Variants in ANKS1B observed in about 807,000 individuals in gnomAD.
ANKS1B encodes the protein ankyrin repeat and sterile alpha motif domain containing 1B.
ANKS1B carries 36 observed loss-of-function variants against 148.3 expected under a neutral mutation model. The ratio of observed to expected loss-of-function variants is 0.24; its 90% CI spans 0.19 to 0.32. ANKS1B has a LOEUF of 0.32. Ranked by LOEUF, ANKS1B falls within the 10% of genes least tolerant of loss-of-function variation. The pLI, the probability that ANKS1B is intolerant of heterozygous loss-of-function variation, is 1.00. For synonymous variants in ANKS1B, 542 were observed against 560.8 expected, an observed-to-expected ratio of 0.97 and a Z score of 0.47; for missense variants, 1,157 against 1,542.6, an observed-to-expected ratio of 0.75 and a Z score of 4.19.
intron 10 of ANKS1B, among the ~76,000 whole-genome samples, chr12:99,503,339 T>C (rs1335277214): frequency 1.3e-5 from 2 of 152,220 alleles, no homozygotes; most frequent in African/African-American, 2.4e-5. Context: ...TACCCAGAAA[T>C]TGAATCCATT....
chr12:99,940,983 G>A (rs1322032528), intron 1 of ANKS1B, among the ~76,000 whole-genome samples: 1 of 152,124 alleles, frequency 6.6e-6, no homozygotes, highest in Non-Finnish European at 1.5e-5. Flanking sequence ...TATTATGTAC[G>A]TAATTATTGA....
intron 4 of ANKS1B, among the ~76,000 whole-genome samples, chr12:99,797,917 G>A (rs996060909): frequency 1.3e-5 from 2 of 151,860 alleles, no homozygotes; most frequent in African/African-American, 4.8e-5. Context: ...CCTTCTTTTT[G>A]GCGTTATATA....
intron 12 of ANKS1B, among the ~76,000 whole-genome samples, chr12:99,348,600 T>C (rs1324928981): frequency 6.6e-6 from 1 of 151,894 alleles, no homozygotes; most frequent in Non-Finnish European, 1.5e-5. Context: ...AAGAATAATA[T>C]CTTATTTAAA....
At chr12:99,937,940 G>A (rs971179886) in intron 1 of ANKS1B, among the ~76,000 whole-genome samples, 10 of 152,068 alleles carry the variant, frequency 6.6e-5, no homozygotes, top group South Asian at 4.2e-4. Context: ...GAGCAGAATC[G>A]ACCCAATTTT....
intron 10 of ANKS1B, among the ~76,000 whole-genome samples, chr12:99,455,038 C>T (rs1036080621): frequency 1.3e-5 from 2 of 152,194 alleles, no homozygotes; most frequent in Non-Finnish European, 2.9e-5. Context: ...CTTATTTTGG[C>T]TCTTCAGGCT....
chr12:99,606,294 C>T (rs1429209314), intron 9 of ANKS1B, among the ~76,000 whole-genome samples: 2 of 151,856 alleles, frequency 1.3e-5, no homozygotes, highest in East Asian at 3.9e-4. Flanking sequence ...AGCATTTTTC[C>T]TATTTTTTAA....
intron 10 of ANKS1B, among the ~76,000 whole-genome samples, chr12:99,473,528 C>G (rs1162690356): frequency 1.3e-5 from 2 of 151,892 alleles, no homozygotes; most frequent in Non-Finnish European, 2.9e-5. Context: ...GAATTGTCAT[C>G]CAATGTGGAG....
At position 99,246,533 on chromosome 12, in the gene ANKS1B, A is replaced by C; in HGVS notation, c.2088T>G (p.Ser696=). 3 of 1,613,896 alleles carry C rather than the reference A, an allele frequency of 1.9e-6. No homozygotes were observed. The highest frequency in any genetic ancestry group is 2.5e-6 in the Non-Finnish European group (3 of 1,179,868). Reference sequence around the variant, plus strand: ...TCATAACCCACTGGTCCCCATTCCGAGATCCACTCCTGGTTGATCTTGTGC... The same window carrying C: ...TCATAACCCACTGGTCCCCATTCCGCGATCCACTCCTGGTTGATCTTGTGC... The part of the protein sequence containing the change: ...IVGTRSTRSG[S]RNGDQWVMNA... Residue 696 remains serine (S), a synonymous_variant, in exon 13 of 27, where the codon TCT becomes TCG. Coordinates refer to ENST00000683438, the MANE Select transcript of ANKS1B (RefSeq NM_001352186.2).
At chr12:99,911,571 C>A (rs1339440223) in intron 1 of ANKS1B, among the ~76,000 whole-genome samples, 2 of 152,144 alleles carry the variant, frequency 1.3e-5, no homozygotes, top group Non-Finnish European at 2.9e-5. Context: ...AAACTGAAAG[C>A]ATAATTAACA....
At chr12:99,727,353 GCAGAGGA>G (rs2058714165) in intron 8 of ANKS1B, among the ~76,000 whole-genome samples, 1 of 151,654 alleles carries the variant, frequency 6.6e-6, no homozygotes, top group Admixed American at 6.6e-5. Context: ...CAATAGACAA[GCAGAGGA>G]CCAAATCACA....
chr12:99,949,730 T>C (rs1392913774), intron 1 of ANKS1B, among the ~76,000 whole-genome samples: 1 of 152,178 alleles, frequency 6.6e-6, no homozygotes, highest in Admixed American at 6.5e-5. Flanking sequence ...TAGAGGTTAG[T>C]AAACTATGGC....
intron 9 of ANKS1B, among the ~76,000 whole-genome samples, chr12:99,635,710 TGAACTGTACAC>T (rs1351353248): frequency 2.8e-4 from 43 of 152,310 alleles, no homozygotes; most frequent in African/African-American, 9.9e-4. Context: ...TTACCACTAT[TGAACTGTACAC>T]TTTAAAAATA....
chr12:99,115,950 A>AG (rs2061312261), intron 15 of ANKS1B, among the ~76,000 whole-genome samples: 1 of 150,748 alleles, frequency 6.6e-6, no homozygotes, highest in Non-Finnish European at 1.5e-5. Context: ...AAAAAAAAAA[A>AG]AAAAGATGCT....
At chr12:99,448,717 T>G (rs117720728) in intron 10 of ANKS1B, among the ~76,000 whole-genome samples, 1,637 of 152,154 alleles carry the variant, frequency 0.011, 8 homozygotes, top group South Asian at 0.02. Flanking sequence ...ATAATTAAAT[T>G]TTTTAAAATT....
intron 16 of ANKS1B, among the ~76,000 whole-genome samples, chr12:99,061,058 A>C (rs557660414): frequency 6.6e-6 from 1 of 152,318 alleles, no homozygotes; most frequent in African/African-American, 2.4e-5. Context: ...TGAGAAAAAG[A>C]CTACTTGTTG....
chr12:98,830,758 T>C (rs2099301892), intron 18 of ANKS1B, among the ~76,000 whole-genome samples: 1 of 152,048 alleles, frequency 6.6e-6, no homozygotes, highest in South Asian at 2.1e-4. Context: ...TTTCGACGAA[T>C]TTTAGAAAAG....
chr12:98,768,791 A>G (rs1181554081), intron 25 of ANKS1B, among the ~76,000 whole-genome samples: 1 of 149,806 alleles, frequency 6.7e-6, no homozygotes, highest in Non-Finnish European at 1.5e-5. Context: ...AGCCCCGCAC[A>G]CTCCACCCCC....
chr12:99,375,952 G>A (rs1028531969), intron 12 of ANKS1B, among the ~76,000 whole-genome samples: 3 of 152,220 alleles, frequency 2.0e-5, no homozygotes. Flanking sequence ...GAACTAGAAC[G>A]TGGAATATTG....
intron 15 of ANKS1B, among the ~76,000 whole-genome samples, chr12:99,108,413 C>G (rs937620584): frequency 6.6e-6 from 1 of 152,006 alleles, no homozygotes; most frequent in Non-Finnish European, 1.5e-5. Context: ...ATTTGAAGAA[C>G]GTATAAATGA....
Sources: allele counts gnomAD v4.1 joint callset (sites outside exome capture counted in the v4.1 genomes callset), GRCh38; gene constraint gnomAD v4.1.1; transcripts MANE v1.5; gene names NCBI Gene and HGNC (gene_info 2026-07-23, HGNC 2026-07-21).